Variants in PHEX observed in about 807,000 individuals in gnomAD.
The protein encoded by PHEX is phosphate-regulating neutral endopeptidase PHEX.
PHEX carries 16 observed loss-of-function variants against 68.0 expected under a neutral mutation model. The observed-to-expected ratio is 0.24, with a 90% CI of 0.16 to 0.36. The LOEUF is 0.36. PHEX is among the 10% of genes least tolerant of loss of function. The probability of loss-of-function intolerance (pLI) is 1.00; values close to 1 mark genes in which losing one functional copy is unlikely to be tolerated. For synonymous variants in PHEX, 208 were observed against 205.1 expected (o/e 1.01, Z -0.12); for missense variants, 480 against 575.5 (o/e 0.83, Z 1.70).
intron 3 of PHEX, among the ~76,000 whole-genome samples, chrX:22,062,824 G>C (rs1442842966): frequency 9.2e-6 from 1 of 108,862 alleles, no homozygotes; most frequent in Non-Finnish European, 1.9e-5. Flanking sequence ...GCAGTGGTGT[G>C]ATCTCGGCTC....
chrX:22,099,319 G>A, intron 9 of PHEX, 168 bp downstream of exon 9: 1 of 484,092 alleles, frequency 2.1e-6, no homozygotes, highest in Admixed American at 3.3e-5. Context: ...GCACTGTCTG[G>A]TGTAATTTAC....
At chrX:22,203,140 G>A (rs745450728) in intron 15 of PHEX, among the ~76,000 whole-genome samples, 12 of 111,375 alleles carry the variant, frequency 1.1e-4, no homozygotes, top group African/African-American at 3.6e-4. Flanking sequence ...AGAAAGTCTC[G>A]CATCCCAGGA....
At chrX:22,154,516 G>T (rs1176119170) in intron 12 of PHEX, among the ~76,000 whole-genome samples, 2 of 111,583 alleles carry the variant, frequency 1.8e-5, no homozygotes, top group East Asian at 5.6e-4. Context: ...GATCACAACT[G>T]GGGGGACAGA....
intron 10 of PHEX, among the ~76,000 whole-genome samples, chrX:22,112,553 C>G (rs2147063109): frequency 9.0e-6 from 1 of 111,589 alleles, no homozygotes; most frequent in East Asian, 2.8e-4. Context: ...GGCCATTACT[C>G]TGGAAGAGTA....
At chrX:22,083,691 C>T (rs1285911391) in intron 5 of PHEX, among the ~76,000 whole-genome samples, 2 of 111,690 alleles carry the variant, frequency 1.8e-5, no homozygotes, top group African/African-American at 6.5e-5. Flanking sequence ...TTTGTATACT[C>T]GAACTTTACT....
At chrX:22,225,737 C>G (rs1388892182) in intron 18 of PHEX, among the ~76,000 whole-genome samples, 1 of 112,291 alleles carries the variant, frequency 8.9e-6, no homozygotes, top group African/African-American at 3.2e-5. Flanking sequence ...CCAGTCTTAC[C>G]TTGAAGCCTG....
intron 5 of PHEX, among the ~76,000 whole-genome samples, chrX:22,080,730 C>A (rs2301307): frequency 0.2 from 14,700 of 72,925 alleles, 917 homozygotes; most frequent in Middle Eastern, 0.29. Flanking sequence ...AAAAAACAAA[C>A]AAAAAAAATA....
At chrX:22,127,800 A>G (rs936333081) in intron 11 of PHEX, among the ~76,000 whole-genome samples, 5 of 110,426 alleles carry the variant, frequency 4.5e-5, no homozygotes, top group African/African-American at 1.6e-4. Flanking sequence ...CTCATGGGAA[A>G]AAAAAAGTGA....
intron 5 of PHEX, among the ~76,000 whole-genome samples, chrX:22,089,029 T>G (rs1929743817): frequency 8.9e-6 from 1 of 112,420 alleles, no homozygotes; most frequent in African/African-American, 3.2e-5. Flanking sequence ...TGCCCAGTTT[T>G]TCTTTTCTTT....
intron 15 of PHEX, among the ~76,000 whole-genome samples, chrX:22,194,337 CCTTT>C (rs917864674): frequency 1.8e-5 from 2 of 111,948 alleles, no homozygotes; most frequent in African/African-American, 6.5e-5. Flanking sequence ...TCCCCTCTCT[CCTTT>C]CTGATTTTCT....
At chrX:22,054,544 G>C (rs1161652613) in intron 3 of PHEX, among the ~76,000 whole-genome samples, 1 of 111,768 alleles carries the variant, frequency 8.9e-6, no homozygotes, top group African/African-American at 3.2e-5. Flanking sequence ...TATTACTAGT[G>C]AAAACTCAGC....
At chrX:22,127,293 A>G (rs1252969387) in intron 11 of PHEX, among the ~76,000 whole-genome samples, 1 of 112,011 alleles carries the variant, frequency 8.9e-6, no homozygotes, top group African/African-American at 3.2e-5. Context: ...TTGACCTTTG[A>G]CTGGCTCTAA....
At chrX:22,236,327 G>C (rs1280443714) in intron 20 of PHEX, among the ~76,000 whole-genome samples, 2 of 112,099 alleles carry the variant, frequency 1.8e-5, no homozygotes, top group African/African-American at 6.5e-5. Context: ...GTACTTAACT[G>C]CTCTCCAAAT....
At chrX:22,051,418 C>G (rs1221889676) in intron 3 of PHEX, among the ~76,000 whole-genome samples, 1 of 110,839 alleles carries the variant, frequency 9.0e-6, no homozygotes, top group Non-Finnish European at 1.9e-5. Flanking sequence ...GTAATCCCAG[C>G]TACTTAGGAG....
At position 22,229,686 on chromosome X, in the gene PHEX, AGGATGCCTCTTCAC is replaced by A. The variant is rs1935643111; in HGVS notation, c.2070+2076_2070+2089del. ...TTGCAAAAATTTTCTCCCATTCTTTAGGATGCCTCTTCACTCTGGTGGTAGTTTCTTTGGCTGTG... is the reference window on the plus strand; with the variant it reads ...TTGCAAAAATTTTCTCCCATTCTTTATCTGGTGGTAGTTTCTTTGGCTGTG... On this transcript the variant is annotated intron_variant, in intron 20 of 21. Transcript: ENST00000379374. 3.6e-5 allele frequency among the ~76,000 whole-genome samples: 4 copies of A among 112,010 alleles called. No homozygotes were observed. In the Admixed American group the frequency reaches 3.8e-4, roughly 11 times the overall value.
At chrX:22,083,295 T>A in intron 5 of PHEX, among the ~76,000 whole-genome samples, 1 of 112,304 alleles carries the variant, frequency 8.9e-6, no homozygotes. Flanking sequence ...TGAAGTCAGG[T>A]AATGTGATTC....
chrX:22,216,456 G>T (rs777376601), intron 16 of PHEX, among the ~76,000 whole-genome samples: 7 of 110,700 alleles, frequency 6.3e-5, no homozygotes, highest in African/African-American at 2.3e-4. Context: ...AGCCAGTCAA[G>T]GTTGCATTTT....
rs781013156 is a variant in PHEX, at chrX:22,221,617, A to G, written c.1773A>G (p.Arg591=). ...TCGAACTTTTCCTTTTGCTAGGTAG[A>G]AAATATGATAAAAATGGAAACCTGG... ...EFTHGFDNNG[R]KYDKNGNLDP... Residue 591 remains arginine, a synonymous_variant, in exon 18 of 22, where the codon AGA becomes AGG. Transcript: ENST00000379374. The G allele has an allele frequency of 4.2e-6, 5 of 1,201,213 alleles. No homozygotes were observed. The South Asian group carries it at 5.3e-5, about 13-fold the overall frequency.
At chrX:22,061,682 T>C (rs1248755906) in intron 3 of PHEX, among the ~76,000 whole-genome samples, 1 of 111,335 alleles carries the variant, frequency 9.0e-6, no homozygotes, top group Non-Finnish European at 1.9e-5. Context: ...CACCAAGCAG[T>C]ATAACTAGCC....
Sources: gnomAD v4.1 joint callset for allele counts (sites outside exome capture counted in the v4.1 genomes callset) on GRCh38, gnomAD v4.1.1 for gene constraint, MANE v1.5 for transcripts, NCBI Gene and HGNC (gene_info 2026-07-23, HGNC 2026-07-21) for gene names.